COL9A3: variants seen among roughly 807,000 people sequenced by gnomAD.
COL9A3 encodes collagen alpha-3(IX) chain.
COL9A3 carries 82 observed loss-of-function variants against 110.2 expected under a neutral mutation model. The ratio of observed to expected loss-of-function variants is 0.74; its 90% CI spans 0.62 to 0.89. The LOEUF (loss-of-function observed/expected upper bound fraction) is 0.89, where lower values mean the gene tolerates loss of function less well. Among genes scored for constraint, COL9A3 ranks in the 40% least tolerant of loss-of-function variants. The pLI is 0.00. For synonymous variants in COL9A3, 494 were observed against 403.8 expected, an observed-to-expected ratio of 1.22 and a Z score of -2.68; for missense variants, 1,066 against 981.3, an observed-to-expected ratio of 1.09 and a Z score of -1.15.
chr20:62,828,517 G>C (rs576615576), intron 17 of COL9A3, among the ~76,000 whole-genome samples: 1 of 152,248 alleles, frequency 6.6e-6, no homozygotes, highest in Non-Finnish European at 1.5e-5. Flanking sequence ...CCTGGTGGAC[G>C]AGGCCTCGGG....
At position 62,819,297 on chromosome 20, in the gene COL9A3, A is replaced by G; in HGVS notation, c.255+4A>G. On this transcript the variant is annotated splice_donor_region_variant and intron_variant, in intron 4 of 31. Coordinates refer to ENST00000649368, the MANE Select transcript of COL9A3 (RefSeq NM_001853.4). ...GCCGGGACTGCCGGGTGTGGATGTG[A>G]GTGCGCCTGCCCCTCCCCGCCATGC... 1 of 1,604,410 alleles carries G rather than the reference A, an allele frequency of 6.2e-7. No individual in the cohort carries two copies. Among genetic ancestry groups the G allele is most frequent in the Middle Eastern group, 1.9e-4 (1 of 5,336 alleles).
Position 62,828,810 on chromosome 20 carries a change from G to T in COL9A3, c.947G>T (p.Gly316Val). 1 of 1,612,998 alleles carries T rather than the reference G, an allele frequency of 6.2e-7. No homozygotes were observed. Among genetic ancestry groups the T allele is most frequent in the Non-Finnish European group, 8.5e-7 (1 of 1,180,012 alleles). ...DGQNGVPGLD[G>V]QKGEAGRNGA... ...CAGAATGGCGTGCCAGGACTCGATG[G>T]CCAGAAGGTTGGCATGGGGCTCAGG... Residue 316 changes from glycine to valine, a missense_variant, in exon 18 of 32, where the codon GGC (glycine) becomes GTC (valine). Gly to Val is a moderately radical substitution (Grantham distance 109). Coordinates refer to ENST00000649368, the MANE Select transcript of COL9A3 (RefSeq NM_001853.4).
chr20:62,830,361 G>A lies in COL9A3; in HGVS notation c.1163G>A (p.Gly388Glu), dbSNP rs1430063730. 2 of 1,571,118 alleles carry A rather than the reference G, an allele frequency of 1.3e-6. No individual in the cohort carries two copies. The highest frequency in any genetic ancestry group is 1.7e-6 in the Non-Finnish European group (2 of 1,157,806). Residue 388 changes from glycine (G) to glutamate (E), a missense_variant and splice_region_variant, in exon 23 of 32, where the codon GGG (glycine) becomes GAG (glutamate). Physicochemically the swap from Gly to Glu is moderately conservative, Grantham distance 98. Coordinates refer to ENST00000649368, the MANE Select transcript of COL9A3 (RefSeq NM_001853.4). The part of the protein sequence containing the change: ...RGEAGHRGSA[G>E]ALGPQGPPGA... Reference sequence around the variant, plus strand: ...TCACACCTCACCTTTGTCTTCCAGGGGGCCCTCGGCCCACAAGGCCCTCCC... The same window carrying A: ...TCACACCTCACCTTTGTCTTCCAGGAGGCCCTCGGCCCACAAGGCCCTCCC...
In COL9A3 at chr20:62,818,660, G is replaced by C; in HGVS notation, c.183+107G>C. 3.2e-6 allele frequency: 4 copies of C among 1,248,610 alleles called. No individual in the cohort carries two copies. The South Asian group carries it at 3.6e-5, about 11-fold the overall frequency. 77.3% of individuals were successfully genotyped at this position (1,248,610 alleles called of 1,614,324 possible). On this transcript the variant is annotated intron_variant, in intron 3 of 31. Transcript: ENST00000649368. ...CCTGTCTCATCCTGCCGGAGCCCGG[G>C]TTGCCTGAGGGGAGGCCTCAGAGGG...
chr20:62,821,720 G>A, intron 7 of COL9A3, 37 bp from the exon 8 acceptor site: 1 of 1,595,174 alleles, frequency 6.3e-7, no homozygotes, highest in South Asian at 1.1e-5. Flanking sequence ...GGGGCTTCCG[G>A]GTGCAGACCT....
rs781614543 is a variant in COL9A3 at position 62,829,472 on chromosome 20, G to A, written c.1026G>A (p.Ala342=). 6.2e-6 allele frequency: 10 copies of A among 1,612,744 alleles called. No homozygotes were observed. The East Asian group carries it at 8.9e-5, about 14-fold the overall frequency. The part of the protein sequence containing the change: ...PNGLPGLPGR[A]GSKGEKGERG... ...CCTGGCAGGGCCTCCCTGGACGAGC[G>A]GGGTCCAAAGGCGAGAAGGGAGAAC... Residue 342 remains alanine, a synonymous_variant, in exon 20 of 32, where the codon GCG becomes GCA. Transcript: ENST00000649368.
rs2063514966 is a variant in COL9A3 at position 62,821,785 on chromosome 20, G to T, written c.398G>T (p.Gly133Val). ...GAGGCAGGAGTGAGCGGCCCCCCAG[G>T]TGGGATCGGCCTCCGCGGCCCCCCG... The part of the protein sequence containing the change: ...PGEAGVSGPP[G>V]GIGLRGPPGP... The change falls in exon 8 of 32, where the codon GGT (glycine) becomes GTT (valine). Residue 133 changes from glycine (G) to valine (V), a missense_variant. Gly to Val is a moderately radical substitution (Grantham distance 109). Coordinates refer to ENST00000649368, the MANE Select transcript of COL9A3 (RefSeq NM_001853.4). The T allele has an allele frequency of 1.2e-6, 2 of 1,610,386 alleles. No homozygotes were observed. Among genetic ancestry groups the T allele is most frequent in the Non-Finnish European group, 1.7e-6 (2 of 1,178,720 alleles).
Position 62,840,864 on chromosome 20 carries a change from ACGCGCGGGC to A in COL9A3, c.*134_*142del. 1 of 1,043,410 alleles carries A rather than the reference ACGCGCGGGC, an allele frequency of 9.6e-7. No homozygotes were observed. Among genetic ancestry groups the A allele is most frequent in the Non-Finnish European group, 1.4e-6 (1 of 695,738 alleles). 64.6% of individuals were successfully genotyped at this position (1,043,410 alleles called of 1,614,324 possible). A position where few individuals can be genotyped will look rare whatever the true frequency, so the allele number is the denominator to read the frequency against. On this transcript the variant is annotated 3_prime_UTR_variant, in exon 32 of 32. Transcript: ENST00000649368. ...TGGCTGCCCCTCGGCCGCCGACTGG[ACGCGCGGGC>A]CTTGCCAGCGAGCACCCTCATCGGG...
intron 30 of COL9A3, among the ~76,000 whole-genome samples, chr20:62,837,604 C>A (rs1019404481): frequency 6.6e-6 from 1 of 150,642 alleles, no homozygotes. Context: ...GTCGGGAGTT[C>A]AAGACCAGCC....
intron 15 of COL9A3, among the ~76,000 whole-genome samples, 192 bp downstream of exon 15, chr20:62,827,012 C>T (rs909174762): frequency 6.6e-6 from 1 of 152,142 alleles, no homozygotes; most frequent in Non-Finnish European, 1.5e-5. Flanking sequence ...GTGAGACATT[C>T]GCCTCCTTTC....
intron 7 of COL9A3, 60 bp from the exon 8 acceptor site, chr20:62,821,697 G>A (rs1032065611): frequency 3.2e-6 from 5 of 1,561,268 alleles, no homozygotes; most frequent in East Asian, 2.3e-5. Flanking sequence ...ACCAACCCTG[G>A]GTGGGGATCC....
intron 19 of COL9A3, 129 bp from the exon 20 acceptor site, chr20:62,829,326 G>A (rs1388402308): frequency 1.6e-6 from 2 of 1,251,184 alleles, no homozygotes; most frequent in Non-Finnish European, 2.3e-6. Flanking sequence ...CACAAGGCTG[G>A]GAGAAGTTGG....
chr20:62,838,810 C>A, intron 31 of COL9A3, 49 bp downstream of exon 31: 2 of 1,439,664 alleles, frequency 1.4e-6, no homozygotes, highest in Admixed American at 2.0e-5. Context: ...TCTCTTCCGC[C>A]ATCTTGTAGC....
intron 26 of COL9A3, among the ~76,000 whole-genome samples, chr20:62,834,928 C>T (rs947682482): frequency 1.3e-5 from 2 of 152,242 alleles, no homozygotes. Flanking sequence ...CGTGAGCCAC[C>T]TCGCCCAGCC....
chr20:62,821,023 C>A (rs906155641), intron 5 of COL9A3, among the ~76,000 whole-genome samples, 158 bp from the exon 6 acceptor site: 1 of 152,174 alleles, frequency 6.6e-6, no homozygotes, highest in African/African-American at 2.4e-5. Context: ...AAAGACCCTC[C>A]AGGTCAAGAG....
intron 29 of COL9A3, 111 bp downstream of exon 29, chr20:62,836,643 C>T: frequency 8.5e-7 from 1 of 1,171,004 alleles, no homozygotes; most frequent in Non-Finnish European, 1.2e-6. Context: ...CAAAGTGAGC[C>T]CCTAGCACTC....
intron 22 of COL9A3, 69 bp downstream of exon 22, chr20:62,829,888 G>T (rs2063582638): frequency 1.3e-6 from 2 of 1,519,824 alleles, no homozygotes; most frequent in South Asian, 2.4e-5. Flanking sequence ...CCCAGTTTCT[G>T]AGCAGGCCGG....
chr20:62,817,601 G>T lies in COL9A3; in HGVS notation c.113G>T (p.Gly38Val). The change falls in exon 2 of 32, where the codon GGG (glycine) becomes GTG (valine). Residue 38 changes from glycine to valine, a missense_variant. Gly to Val is a moderately radical substitution (Grantham distance 109). Coordinates refer to ENST00000649368, the MANE Select transcript of COL9A3 (RefSeq NM_001853.4). ...VGLPGPPGPP[G>V]PPGKPGQDGI... ...CTCCCCGGCCCCCCCGGCCCCCCAGGGCCGCCCGGGAAGCCCGGCCAGGAC... is the reference window on the plus strand; with the variant it reads ...CTCCCCGGCCCCCCCGGCCCCCCAGTGCCGCCCGGGAAGCCCGGCCAGGAC... 6.5e-7 allele frequency: 1 copy of T among 1,547,670 alleles called. No homozygotes were observed. Among genetic ancestry groups the T allele is most frequent in the African/African-American group, 1.4e-5 (1 of 73,072 alleles).
At chr20:62,827,523 G>C (rs537139947) in intron 16 of COL9A3, among the ~76,000 whole-genome samples, 2 of 152,160 alleles carry the variant, frequency 1.3e-5, no homozygotes, top group African/African-American at 4.8e-5. Flanking sequence ...CCTGCAGAGC[G>C]GCCCACGAGC....
Sources: allele counts gnomAD v4.1 joint callset (sites outside exome capture counted in the v4.1 genomes callset), GRCh38; gene constraint gnomAD v4.1.1; transcripts MANE v1.5; gene names NCBI Gene and HGNC (gene_info 2026-07-23, HGNC 2026-07-21).